PRRC2B: variants seen among roughly 807,000 people sequenced by gnomAD.
PRRC2B encodes the protein proline rich coiled-coil 2B.
A neutral mutation model predicts 242.3 loss-of-function variants in PRRC2B; 68 were observed. The ratio of observed to expected loss-of-function variants is 0.28; its 90% CI spans 0.23 to 0.34. The LOEUF (loss-of-function observed/expected upper bound fraction) is 0.34, where lower values mean the gene tolerates loss of function less well. Among genes scored for constraint, PRRC2B ranks in the 10% least tolerant of loss-of-function variants. PRRC2B has a pLI of 1.00. For synonymous variants in PRRC2B, 1,228 were observed against 1,173.6 expected, an observed-to-expected ratio of 1.05 and a Z score of -0.95; for missense variants, 2,835 against 2,954.8, an observed-to-expected ratio of 0.96 and a Z score of 0.94.
intron 18 of PRRC2B, 30 bp downstream of exon 18, chr9:131,478,649 G>GGGGGGGGGGCCCGGGGCC: frequency 4.0e-6 from 2 of 504,562 alleles, no homozygotes; most frequent in East Asian, 5.1e-5. Context: ...GGGGCATGGG[G>GGGGGGGGGGCCCGGGGCC]CTGGAGGGCA....
intron 5 of PRRC2B, 122 bp from the exon 6 acceptor site, chr9:131,444,063 G>C: frequency 8.9e-7 from 1 of 1,120,086 alleles, no homozygotes; most frequent in Non-Finnish European, 1.3e-6. Flanking sequence ...GAGCACCCTT[G>C]TGACAAGACT....
chr9:131,495,988 G>T lies in PRRC2B; in HGVS notation c.*114G>T. The T allele has an allele frequency of 5.0e-6, 7 of 1,403,650 alleles. No individual in the cohort carries two copies. In the East Asian group the frequency reaches 1.7e-4, roughly 34 times the overall value. 86.9% of individuals were successfully genotyped at this position (1,403,650 alleles called of 1,614,324 possible). On this transcript the variant is annotated 3_prime_UTR_variant, in exon 32 of 32. Coordinates refer to ENST00000683519, the MANE Select transcript of PRRC2B (RefSeq NM_013318.4). ...ATCCACCGTCCAAATGCGTGGCCCA[G>T]ACTGAGAGACCTCCCTCCTCTCCAC...
intron 1 of PRRC2B, among the ~76,000 whole-genome samples, chr9:131,420,499 T>TCTC (rs889470295): frequency 1.2e-5 from 1 of 84,548 alleles, no homozygotes; most frequent in African/African-American, 4.4e-5. Context: ...CTTTCTTTTT[T>TCTC]TTTTTTTTTT....
chr9:131,414,064 G>A (rs556821197), intron 1 of PRRC2B, among the ~76,000 whole-genome samples: 18 of 152,342 alleles, frequency 1.2e-4, no homozygotes, highest in African/African-American at 4.3e-4. Flanking sequence ...AGACAATGCA[G>A]TGTTGCCAAA....
At chr9:131,380,291 G>A (rs1836738344) in intron 1 of PRRC2B, among the ~76,000 whole-genome samples, 1 of 3,804 alleles carries the variant, frequency 2.6e-4, no homozygotes, top group Non-Finnish European at 0.01. Flanking sequence ...GAGTTCTTAA[G>A]CTGGGCACGG....
In PRRC2B at chr9:131,494,935, T is replaced by C. The variant is rs1944290054; in HGVS notation, c.6555+449T>C. 6.6e-6 allele frequency among the ~76,000 whole-genome samples: 1 copy of C among 152,184 alleles called. No individual in the cohort carries two copies. The highest frequency in any genetic ancestry group is 1.5e-5 in the Non-Finnish European group (1 of 68,034). On this transcript the variant is annotated intron_variant, in intron 31 of 31. Coordinates refer to ENST00000683519, the MANE Select transcript of PRRC2B (RefSeq NM_013318.4). The surrounding 1 kb of genome is among the most constrained non-coding windows in gnomAD (Gnocchi z 4.3). ...TTTTATAATGAAAAGGACATCGCAGTGTCTTTTCCTGCACGCACTATTCTC... is the reference window on the plus strand; with the variant it reads ...TTTTATAATGAAAAGGACATCGCAGCGTCTTTTCCTGCACGCACTATTCTC...
chr9:131,460,526 G>A (rs1300315014), intron 11 of PRRC2B, among the ~76,000 whole-genome samples: 1 of 152,150 alleles, frequency 6.6e-6, no homozygotes, highest in African/African-American at 2.4e-5. Context: ...GTGCACTTTG[G>A]TCTCTTGATT....
chr9:131,442,576 G>C (rs773788529), intron 5 of PRRC2B, among the ~76,000 whole-genome samples: 1 of 152,142 alleles, frequency 6.6e-6, no homozygotes, highest in East Asian at 1.9e-4. Context: ...TTGCTGCCAC[G>C]TGCTTGTGTG....
chr9:131,439,164 G>C, intron 5 of PRRC2B, 103 bp downstream of exon 5: 2 of 931,518 alleles, frequency 2.1e-6, no homozygotes, highest in Non-Finnish European at 3.4e-6. Flanking sequence ...AAGCTTTGAG[G>C]ACTCTCTTCC....
intron 11 of PRRC2B, among the ~76,000 whole-genome samples, 194 bp from the exon 12 acceptor site, chr9:131,464,569 C>T (rs1943337832): frequency 6.6e-6 from 1 of 152,216 alleles, no homozygotes; most frequent in Admixed American, 6.5e-5. Flanking sequence ...AGAGTTGGCA[C>T]TTGGCCTAAA....
rs1838888575 is a variant in PRRC2B, at chr9:131,448,544, A to AAAAAAAAAAAAAAAAAAAAAAAAAAAAAG, written c.1120+766_1120+767insAAGAAAAAAAAAAAAAAAAAAAAAAAAAA. The stretch of plus-strand genomic sequence containing the variant: ...GGGCGACAGAGGGAGACACTGTCTC[A>AAAAAAAAAAAAAAAAAAAAAAAAAAAAAG]AAAAAAAAAAAAAAAAAAAAAAAAA... On this transcript the variant is annotated intron_variant, in intron 9 of 31. Transcript: ENST00000683519. Among the ~76,000 whole-genome samples, 2 of 84,614 alleles carry AAAAAAAAAAAAAAAAAAAAAAAAAAAAAG rather than the reference A, an allele frequency of 2.4e-5. 1 individual carries two copies. Among genetic ancestry groups the AAAAAAAAAAAAAAAAAAAAAAAAAAAAAG allele is most frequent in the Non-Finnish European group, 4.4e-5 (2 of 45,184 alleles). The allele number at this position is 84,614 out of a possible 152,430, so 55.5% of individuals were successfully genotyped here. A position where few individuals can be genotyped will look rare whatever the true frequency, so the allele number is the denominator to read the frequency against.
intron 1 of PRRC2B, among the ~76,000 whole-genome samples, chr9:131,422,202 G>T (rs928688425): frequency 3.9e-5 from 6 of 151,964 alleles, no homozygotes; most frequent in African/African-American, 1.4e-4. Flanking sequence ...TTACAGGCGC[G>T]CGCCACCATG....
intron 1 of PRRC2B, among the ~76,000 whole-genome samples, chr9:131,379,328 CAT>C (rs551964035): frequency 6.6e-6 from 1 of 152,162 alleles, no homozygotes; most frequent in Non-Finnish European, 1.5e-5. Context: ...ATTTCTGGGT[CAT>C]ATGAGAATTC....
intron 30 of PRRC2B, 78 bp downstream of exon 30, chr9:131,492,338 C>T: frequency 8.1e-7 from 1 of 1,230,876 alleles, no homozygotes. Flanking sequence ...TCAGAAGAAT[C>T]TGGGCCCAGG....
intron 3 of PRRC2B, among the ~76,000 whole-genome samples, chr9:131,433,469 C>T (rs886784515): frequency 6.6e-6 from 1 of 152,238 alleles, no homozygotes; most frequent in African/African-American, 2.4e-5. Flanking sequence ...CAGGGCCTGG[C>T]TGCCTGGGGC....
intron 5 of PRRC2B, 132 bp downstream of exon 5, chr9:131,439,193 T>C: frequency 2.7e-6 from 2 of 730,188 alleles, no homozygotes; most frequent in South Asian, 1.7e-5. Context: ...GTACCGTCTA[T>C]GGAGCCCTTG....
chr9:131,419,219 A>G (rs1837734326), intron 1 of PRRC2B, among the ~76,000 whole-genome samples: 1 of 152,240 alleles, frequency 6.6e-6, no homozygotes, highest in African/African-American at 2.4e-5. Context: ...AATTAGTCAC[A>G]GTAGAGTGTT....
chr9:131,446,608 A>G lies in PRRC2B; in HGVS notation c.821A>G (p.His274Arg), dbSNP rs1564286656. 1.2e-6 allele frequency: 2 copies of G among 1,613,828 alleles called. No homozygotes were observed. The highest frequency in any genetic ancestry group is 2.2e-5 in the East Asian group (1 of 44,860). Residue 274 changes from histidine (H) to arginine (R), a missense_variant, in exon 7 of 32, where the codon CAC becomes CGC. By Grantham distance (29) the His-to-Arg change is conservative. This residue lies in a region of PRRC2B where 626 missense variants were observed against 685.5 expected (regional missense o/e 0.91). Coordinates refer to ENST00000683519, the MANE Select transcript of PRRC2B (RefSeq NM_013318.4). This position sits in a 1 kb window ranked among gnomAD's most constrained non-coding sequence, Gnocchi z 4.1. ...TCACAGTTCATGGGAAATGTATACC[A>G]CCCACCTACATACCATGACATGCTT... ...GASQFMGNVY[H>R]PPTYHDMLPA...
At chr9:131,384,953 G>C (rs1836808823) in intron 1 of PRRC2B, among the ~76,000 whole-genome samples, 1 of 152,190 alleles carries the variant, frequency 6.6e-6, no homozygotes, top group African/African-American at 2.4e-5. Context: ...AGGCTGGAGA[G>C]AGTGGGCATG....
Sources: allele counts gnomAD v4.1 joint callset (sites outside exome capture counted in the v4.1 genomes callset), GRCh38; gene constraint gnomAD v4.1.1; regional missense constraint gnomAD v4.1.1; non-coding constraint Gnocchi (gnomAD v3.1); transcripts MANE v1.5; gene names NCBI Gene and HGNC (gene_info 2026-07-23, HGNC 2026-07-21).